The following PDAP1 variants were observed in gnomAD, a reference collection of about 807,000 sequenced individuals.
The protein encoded by PDAP1 is PDGFA associated protein 1.
Under a neutral mutation model 28.0 loss-of-function variants are expected in PDAP1, and 13 were observed. The observed-to-expected ratio is 0.46, with a 90% confidence interval of 0.30 to 0.74. PDAP1 has a LOEUF of 0.74. Ranked by LOEUF, PDAP1 falls within the 30% of genes least tolerant of loss-of-function variation. The pLI, the probability that PDAP1 is intolerant of heterozygous loss-of-function variation, is 0.07. For synonymous variants in PDAP1, 77 were observed against 85.1 expected, an observed-to-expected ratio of 0.91 and a Z score of 0.52; for missense variants, 150 against 230.0, an observed-to-expected ratio of 0.65 and a Z score of 2.25.
chr7:99,405,637 C>T (rs1315473012), intron 1 of PDAP1, among the ~76,000 whole-genome samples: 3 of 151,544 alleles, frequency 2.0e-5, no homozygotes, highest in African/African-American at 7.3e-5. Flanking sequence ...GCTGGGATTA[C>T]AGGTGTGAGC....
At chr7:99,396,849 T>C (rs1173220949) in intron 5 of PDAP1, 109 bp from the exon 6 acceptor site, 9 of 855,610 alleles carry the variant, frequency 1.1e-5, no homozygotes, top group Non-Finnish European at 1.7e-5. Flanking sequence ...CAGAAAACAT[T>C]CTGTGCAACA....
At chr7:99,404,837 G>T in intron 2 of PDAP1, 25 bp downstream of exon 2, 1 of 1,591,550 alleles carries the variant, frequency 6.3e-7, no homozygotes. Context: ...GGCCACTGGC[G>T]TGGCCTGGAC....
intron 4 of PDAP1, among the ~76,000 whole-genome samples, chr7:99,398,346 G>A (rs1318071849): frequency 6.6e-6 from 1 of 152,224 alleles, no homozygotes; most frequent in Non-Finnish European, 1.5e-5. Context: ...CAGGCCAAGA[G>A]TGTTCCAGAG....
At chr7:99,398,483 T>C (rs1422105859) in intron 4 of PDAP1, among the ~76,000 whole-genome samples, 1 of 152,192 alleles carries the variant, frequency 6.6e-6, no homozygotes, top group African/African-American at 2.4e-5. Flanking sequence ...CTTGAGGCTG[T>C]AAGTTTGAGA....
chr7:99,400,090 C>G (rs1325372813), intron 4 of PDAP1, among the ~76,000 whole-genome samples: 3 of 152,232 alleles, frequency 2.0e-5, no homozygotes. Flanking sequence ...GTGTTATGCT[C>G]AGGTCTGAGC....
chr7:99,397,198 A>G (rs560624894), intron 5 of PDAP1, among the ~76,000 whole-genome samples: 1 of 152,254 alleles, frequency 6.6e-6, no homozygotes, highest in East Asian at 1.9e-4. Flanking sequence ...TCCCTGAGCA[A>G]TTGGTTTCCC....
At chr7:99,405,589 C>T (rs990275784) in intron 1 of PDAP1, among the ~76,000 whole-genome samples, 4 of 151,894 alleles carry the variant, frequency 2.6e-5, no homozygotes, top group African/African-American at 9.7e-5. Context: ...GTCTTGATCT[C>T]TTGACCTCGT....
Position 99,400,334 on chromosome 7 carries a change from C to A in PDAP1, c.304G>T (p.Asp102Tyr). 1 of 1,613,972 alleles carries A rather than the reference C, an allele frequency of 6.2e-7. No individual in the cohort carries two copies. The highest frequency in any genetic ancestry group is 8.5e-7 in the Non-Finnish European group (1 of 1,179,872). Residue 102 changes from aspartate (D) to tyrosine (Y), a missense_variant, in exon 4 of 6, where the codon GAC becomes TAC. Physicochemically the swap from Asp to Tyr is radical, Grantham distance 160. Coordinates refer to ENST00000350498, the MANE Select transcript of PDAP1 (RefSeq NM_014891.7). ...TTKKVTQLDL[D>Y]GPKELSRRER... ...CTCCTCGAAAGCTCCTTTGGCCCGT[C>A]CAGATCCAGTTGTGTGACCTTTTTG...
intron 2 of PDAP1, among the ~76,000 whole-genome samples, chr7:99,404,040 T>G (rs1794925433): frequency 6.6e-6 from 1 of 152,104 alleles, no homozygotes; most frequent in Admixed American, 6.5e-5. Flanking sequence ...CCTCCACCTT[T>G]CTTGCCTTCC....
Position 99,394,936 on chromosome 7 carries a change from TC to T in PDAP1, c.*1745del. ...CCTCAGCCTCCCAAGTAGCTGGGAC[TC>T]CAGGGAGAGATTGGTGTTTGCACGG... On this transcript the variant is annotated 3_prime_UTR_variant, in exon 6 of 6. Transcript: ENST00000350498. 3 of 688,226 alleles carry T rather than the reference TC, an allele frequency of 4.4e-6. No homozygotes were observed. The highest frequency in any genetic ancestry group is 5.9e-6 in the Non-Finnish European group (3 of 509,778). 42.6% of individuals were successfully genotyped at this position (688,226 alleles called of 1,614,324 possible). A position where few individuals can be genotyped will look rare whatever the true frequency, so the allele number is the denominator to read the frequency against.
rs773085531 is a variant in PDAP1 at position 99,394,779 on chromosome 7, T to TAAAA, written c.*1899_*1902dup. 127 of 957,820 alleles carry TAAAA rather than the reference T, an allele frequency of 1.3e-4. No individual in the cohort carries two copies. Among genetic ancestry groups the TAAAA allele is most frequent in the African/African-American group, 5.6e-4 (24 of 42,908 alleles). The allele number at this position is 957,820 out of a possible 1,614,324, so 59.3% of individuals were successfully genotyped here. A position where few individuals can be genotyped will look rare whatever the true frequency, so the allele number is the denominator to read the frequency against. On this transcript the variant is annotated 3_prime_UTR_variant, in exon 6 of 6. Coordinates refer to ENST00000350498, the MANE Select transcript of PDAP1 (RefSeq NM_014891.7). ...GTGGAGGTAATAAAATGCAACTGTG[T>TAAAA]AAAAAAAAAAAAAAAAAAAAAAGTA... is the stretch of plus-strand genomic sequence containing the variant.
chr7:99,396,749 T>C lies in PDAP1; in HGVS notation c.488-9A>G. On this transcript the variant is annotated splice_polypyrimidine_tract_variant and intron_variant, in intron 5 of 5. Coordinates refer to ENST00000350498, the MANE Select transcript of PDAP1 (RefSeq NM_014891.7). ...TGTGGCATCGTCTTTTGCTGAGGGG[T>C]GGGAGAAGGGCAGGGGTTAAAACAA... The C allele has an allele frequency of 7.4e-6, 12 of 1,610,764 alleles. No homozygotes were observed. The highest frequency in any genetic ancestry group is 1.0e-5 in the Non-Finnish European group (12 of 1,178,330).
chr7:99,396,608 C>A lies in PDAP1; in HGVS notation c.*74G>T. On this transcript the variant is annotated 3_prime_UTR_variant, in exon 6 of 6. Transcript: ENST00000350498. Reference sequence around the variant, plus strand: ...GGGCTGTTGCAGCGGCGCCAGGGCACAGGGTGGGCGAGACACAGCAGAGGT... The same window carrying A: ...GGGCTGTTGCAGCGGCGCCAGGGCAAAGGGTGGGCGAGACACAGCAGAGGT... 7.7e-7 allele frequency: 1 copy of A among 1,305,492 alleles called. No individual in the cohort carries two copies. The highest frequency in any genetic ancestry group is 1.1e-6 in the Non-Finnish European group (1 of 902,094). 80.9% of individuals were successfully genotyped at this position (1,305,492 alleles called of 1,614,324 possible). A position where few individuals can be genotyped will look rare whatever the true frequency, so the allele number is the denominator to read the frequency against.
Position 99,404,785 on chromosome 7 carries a change from G to T in PDAP1, c.105+77C>A, listed in dbSNP as rs1794939271. 4 of 1,173,512 alleles carry T rather than the reference G, an allele frequency of 3.4e-6. No individual in the cohort carries two copies. The South Asian group carries it at 5.1e-5, about 15-fold the overall frequency. 72.7% of individuals were successfully genotyped at this position (1,173,512 alleles called of 1,614,324 possible). On this transcript the variant is annotated intron_variant, in intron 2 of 5. Coordinates refer to ENST00000350498, the MANE Select transcript of PDAP1 (RefSeq NM_014891.7). The stretch of plus-strand genomic sequence containing the variant: ...TTGTCCCTGCGAATGGGTAGTCCTT[G>T]CCTGGCCTCTCTATGAACCAAATTG...
chr7:99,402,541 T>G (rs1213748814), intron 3 of PDAP1, among the ~76,000 whole-genome samples: 2 of 121,768 alleles, frequency 1.6e-5, no homozygotes, highest in Admixed American at 1.1e-4. Flanking sequence ...TTCACTCCAC[T>G]CCAGCCTGGG....
intron 2 of PDAP1, among the ~76,000 whole-genome samples, chr7:99,404,346 A>G (rs1794931766): frequency 6.6e-6 from 1 of 152,128 alleles, no homozygotes; most frequent in South Asian, 2.1e-4. Flanking sequence ...ACAATGTACT[A>G]TGGGAGCAGA....
At chr7:99,408,509 T>C in intron 1 of PDAP1, 27 bp downstream of exon 1, 1 of 1,329,042 alleles carries the variant, frequency 7.5e-7, no homozygotes, top group Non-Finnish European at 9.6e-7. Flanking sequence ...CCTCCAGGCC[T>C]GCGGGCCACC....
intron 3 of PDAP1, among the ~76,000 whole-genome samples, chr7:99,402,104 C>T (rs1447268843): frequency 2.0e-5 from 3 of 151,570 alleles, no homozygotes; most frequent in South Asian, 4.2e-4. Context: ...GCTACCTCTA[C>T]GGTAGTCCCA....
chr7:99,396,277 T>TC lies in PDAP1; in HGVS notation c.*404dup, dbSNP rs1353321569. The TC allele has an allele frequency of 3.1e-6, 1 of 322,218 alleles. No individual in the cohort carries two copies. The highest frequency in any genetic ancestry group is 2.2e-5 in the African/African-American group (1 of 44,654). 20.0% of individuals were successfully genotyped at this position (322,218 alleles called of 1,614,324 possible). On this transcript the variant is annotated 3_prime_UTR_variant, in exon 6 of 6. Transcript: ENST00000350498. ...CTGAATGAGCACCCAGGCAACACAG[T>TC]CCGGGGCTGTGTGTAGCAAACCTGT...
Sources: allele counts gnomAD v4.1 joint callset (sites outside exome capture counted in the v4.1 genomes callset), GRCh38; gene constraint gnomAD v4.1.1; transcripts MANE v1.5; gene names NCBI Gene and HGNC (gene_info 2026-07-23, HGNC 2026-07-21).